The following RASA1 variants were observed in gnomAD, a reference collection of about 807,000 sequenced individuals.
RASA1 encodes ras GTPase-activating protein 1.
Under a neutral mutation model 132.2 loss-of-function variants are expected in RASA1, and 25 were observed. That is an observed-to-expected ratio of 0.19 (90% CI 0.14 to 0.26). RASA1 has a LOEUF of 0.26. Among genes scored for constraint, RASA1 ranks in the 10% least tolerant of loss-of-function variants. RASA1 has a pLI of 1.00. For missense variants in RASA1, 964 were observed against 1,299.2 expected (o/e 0.74, Z 3.97); for synonymous variants, 477 against 449.9 (o/e 1.06, Z -0.76).
chr5:87,276,938 A>G (rs554358531), intron 1 of RASA1, among the ~76,000 whole-genome samples: 113 of 152,200 alleles, frequency 7.4e-4, no homozygotes, highest in Non-Finnish European at 8.7e-4. Flanking sequence ...GTAGTGGTAG[A>G]ACTGGGACAG....
chr5:87,374,540 A>G (rs1319028730), intron 14 of RASA1, among the ~76,000 whole-genome samples: 2 of 149,512 alleles, frequency 1.3e-5, no homozygotes, highest in Non-Finnish European at 3.0e-5. Context: ...AGTTATTAAC[A>G]TGAATTAGCA....
intron 1 of RASA1, among the ~76,000 whole-genome samples, chr5:87,298,526 G>A (rs1220842206): frequency 6.6e-6 from 1 of 152,162 alleles, no homozygotes; most frequent in East Asian, 1.9e-4. Context: ...AGATTGGTTT[G>A]TGGGAATTCG....
chr5:87,359,554 C>G (rs536305804), intron 9 of RASA1, among the ~76,000 whole-genome samples: 1 of 152,006 alleles, frequency 6.6e-6, no homozygotes, highest in East Asian at 1.9e-4. Context: ...TATTTAAATC[C>G]AAATATTAGT....
At chr5:87,354,402 T>C (rs575357135) in intron 9 of RASA1, among the ~76,000 whole-genome samples, 1 of 152,270 alleles carries the variant, frequency 6.6e-6, no homozygotes, top group African/African-American at 2.4e-5. Flanking sequence ...TTCACTATTA[T>C]ATGTTATGTT....
At chr5:87,271,476 TTTTTTTTTGA>T in intron 1 of RASA1, among the ~76,000 whole-genome samples, 1 of 133,410 alleles carries the variant, frequency 7.5e-6, no homozygotes, top group African/African-American at 2.9e-5. Flanking sequence ...TTTTTTTTTT[TTTTTTTTTGA>T]GAGATGGAGT....
chr5:87,377,333 C>T (rs1325400404), intron 17 of RASA1, among the ~76,000 whole-genome samples: 1 of 151,840 alleles, frequency 6.6e-6, no homozygotes, highest in Admixed American at 6.6e-5. Context: ...TCTGTATTCT[C>T]TTGTTTTTTA....
At chr5:87,373,829 T>TA (rs1199606499) in intron 13 of RASA1, among the ~76,000 whole-genome samples, 1 of 152,100 alleles carries the variant, frequency 6.6e-6, no homozygotes, top group Non-Finnish European at 1.5e-5. Context: ...CTTATATTAA[T>TA]AAAGAATTTT....
At chr5:87,306,355 A>ATC (rs1755610767) in intron 1 of RASA1, among the ~76,000 whole-genome samples, 2 of 152,192 alleles carry the variant, frequency 1.3e-5, no homozygotes, top group Non-Finnish European at 2.9e-5. Context: ...TCCTCAGCAA[A>ATC]CTAATGCAGG....
At chr5:87,334,235 G>A (rs1442353800) in intron 4 of RASA1, among the ~76,000 whole-genome samples, 1 of 152,168 alleles carries the variant, frequency 6.6e-6, no homozygotes, top group Non-Finnish European at 1.5e-5. Context: ...AGAACCAGGG[G>A]AGCCTATGGT....
intron 20 of RASA1, among the ~76,000 whole-genome samples, chr5:87,381,660 T>C (rs1044379684): frequency 6.6e-6 from 1 of 152,192 alleles, no homozygotes; most frequent in Non-Finnish European, 1.5e-5. Context: ...CTGTTTTTCT[T>C]GGCATTAGTG....
chr5:87,325,868 A>C (rs1757194227), intron 1 of RASA1, among the ~76,000 whole-genome samples: 1 of 152,178 alleles, frequency 6.6e-6, no homozygotes. Flanking sequence ...CTCATTGCAC[A>C]AATTTCCATA....
intron 1 of RASA1, among the ~76,000 whole-genome samples, chr5:87,300,960 G>T (rs1055030698): frequency 3.9e-5 from 6 of 152,162 alleles, no homozygotes; most frequent in African/African-American, 1.4e-4. Flanking sequence ...GCAGGGTTAG[G>T]TCCTGGCTGT....
At chr5:87,314,339 AT>A (rs1401788308) in intron 1 of RASA1, among the ~76,000 whole-genome samples, 1 of 152,108 alleles carries the variant, frequency 6.6e-6, no homozygotes, top group Non-Finnish European at 1.5e-5. Context: ...TTCAGTTTTG[AT>A]TTGTGTTTTG....
chr5:87,339,638 T>C (rs1258613877), intron 5 of RASA1, among the ~76,000 whole-genome samples: 1 of 151,978 alleles, frequency 6.6e-6, no homozygotes, highest in Non-Finnish European at 1.5e-5. Flanking sequence ...AAAATAATAA[T>C]AACAACCCAA....
intron 15 of RASA1, among the ~76,000 whole-genome samples, chr5:87,375,450 G>A (rs780556744): frequency 2.8e-4 from 42 of 152,114 alleles, no homozygotes; most frequent in Non-Finnish European, 4.9e-4. Context: ...TAGTAGAGAC[G>A]GGGTTTCAGC....
At chr5:87,387,266 A>G (rs1762125897) in intron 23 of RASA1, among the ~76,000 whole-genome samples, 1 of 152,110 alleles carries the variant, frequency 6.6e-6, no homozygotes, top group Admixed American at 6.6e-5. Flanking sequence ...GGCGTGAAGC[A>G]AGACGATGAC....
chr5:87,308,146 A>G (rs1442432607), intron 1 of RASA1, among the ~76,000 whole-genome samples: 1 of 151,852 alleles, frequency 6.6e-6, no homozygotes, highest in African/African-American at 2.4e-5. Flanking sequence ...TTGTCTCACC[A>G]GCTTTGTGAG....
intron 1 of RASA1, among the ~76,000 whole-genome samples, chr5:87,289,750 A>G (rs1453083565): frequency 6.6e-6 from 1 of 152,128 alleles, no homozygotes; most frequent in African/African-American, 2.4e-5. Context: ...AACTAAGACT[A>G]CAGATGCATG....
intron 9 of RASA1, among the ~76,000 whole-genome samples, chr5:87,360,600 A>G (rs1037683905): frequency 2.0e-5 from 3 of 152,210 alleles, no homozygotes; most frequent in African/African-American, 7.2e-5. Flanking sequence ...TTTTATACAA[A>G]GGCCCTTTAA....
Sources: allele counts gnomAD v4.1 joint callset (sites outside exome capture counted in the v4.1 genomes callset), GRCh38; gene constraint gnomAD v4.1.1; transcripts MANE v1.5; gene names NCBI Gene and HGNC (gene_info 2026-07-23, HGNC 2026-07-21).